The following FER1L6 variants were observed in gnomAD, a reference collection of about 807,000 sequenced individuals.
FER1L6 encodes fer-1 like family member 6, also known as fer-1-like protein 6.
A neutral mutation model predicts 219.2 loss-of-function variants in FER1L6; 177 were observed. The observed-to-expected ratio is 0.81, with a 90% CI of 0.71 to 0.91. The LOEUF (loss-of-function observed/expected upper bound fraction) is 0.91, where lower values mean the gene tolerates loss of function less well. FER1L6 is among the 40% of genes least tolerant of loss of function. The probability of loss-of-function intolerance (pLI) is 0.00; values close to 1 mark genes in which losing one functional copy is unlikely to be tolerated. For synonymous variants in FER1L6, 768 were observed against 824.3 expected, an observed-to-expected ratio of 0.93 and a Z score of 1.17; for missense variants, 2,153 against 2,259.9, an observed-to-expected ratio of 0.95 and a Z score of 0.96.
In FER1L6 at chr8:123,872,703, A is replaced by T. The variant is rs118190015; in HGVS notation, c.-8+20518A>T. The stretch of plus-strand genomic sequence containing the variant: ...TAAGTCTAAGAGCATTCTAAAAAAA[A>T]CTTATATTTAAAAAAGCATACCTGA... On this transcript the variant is annotated intron_variant, in intron 1 of 40. Transcript: ENST00000522917. 4.4e-3 allele frequency among the ~76,000 whole-genome samples: 674 copies of T among 152,274 alleles called. 3 individuals carry two copies. Among genetic ancestry groups the T allele is most frequent in the South Asian group, 8.3e-3 (40 of 4,818 alleles).
chr8:123,912,553 G>T (rs1335309086), intron 1 of FER1L6, among the ~76,000 whole-genome samples: 1 of 151,920 alleles, frequency 6.6e-6, no homozygotes, highest in African/African-American at 2.4e-5. Context: ...GGTTTTTTTG[G>T]CAGGCACTGT....
intron 20 of FER1L6, among the ~76,000 whole-genome samples, chr8:124,045,293 A>C (rs1285277474): frequency 6.6e-6 from 1 of 152,182 alleles, no homozygotes; most frequent in Non-Finnish European, 1.5e-5. Context: ...GTCCAGGTGG[A>C]ACCTCAGTTC....
intron 32 of FER1L6, among the ~76,000 whole-genome samples, chr8:124,078,746 C>G (rs190150178): frequency 6.8e-4 from 62 of 91,432 alleles, no homozygotes; most frequent in Non-Finnish European, 1.3e-3. Context: ...GTGTTCTTTG[C>G]CCTGCAAAGT....
chr8:123,892,589 C>G (rs116021872), intron 1 of FER1L6, among the ~76,000 whole-genome samples: 4,227 of 152,280 alleles, frequency 0.028, 199 homozygotes, highest in African/African-American at 0.096. Context: ...CCATGCCTGG[C>G]CAGAGAGACA....
intron 31 of FER1L6, among the ~76,000 whole-genome samples, chr8:124,073,380 T>G (rs965694723): frequency 1.3e-5 from 2 of 152,318 alleles, no homozygotes; most frequent in Non-Finnish European, 2.9e-5. Flanking sequence ...ATGGCAGTCC[T>G]AGGTAAATTC....
At chr8:124,052,924 A>G (rs1421457361) in intron 22 of FER1L6, among the ~76,000 whole-genome samples, 1 of 152,194 alleles carries the variant, frequency 6.6e-6, no homozygotes, top group African/African-American at 2.4e-5. Context: ...ACCTTGCAAG[A>G]TGAAGTTACC....
chr8:124,007,880 T>A (rs557947618), intron 13 of FER1L6, among the ~76,000 whole-genome samples: 17 of 141,692 alleles, frequency 1.2e-4, no homozygotes, highest in African/African-American at 4.3e-4. Context: ...AGTATGATTA[T>A]TTTTTTACAT....
intron 1 of FER1L6, among the ~76,000 whole-genome samples, chr8:123,886,310 G>A (rs552745692): frequency 6.6e-6 from 1 of 152,140 alleles, no homozygotes; most frequent in Non-Finnish European, 1.5e-5. Flanking sequence ...TGGGTTATGG[G>A]AGTAGATCCC....
At chr8:124,072,764 C>A (rs1306164929) in intron 31 of FER1L6, among the ~76,000 whole-genome samples, 1 of 152,194 alleles carries the variant, frequency 6.6e-6, no homozygotes, top group Non-Finnish European at 1.5e-5. Context: ...AACTTAGAGT[C>A]ACTGACAATG....
At chr8:123,972,092 A>G (rs533452911) in intron 6 of FER1L6, among the ~76,000 whole-genome samples, 13 of 152,368 alleles carry the variant, frequency 8.5e-5, no homozygotes, top group Admixed American at 6.5e-4. Context: ...AACTGCAAGC[A>G]TGTTGGATTT....
intron 12 of FER1L6, among the ~76,000 whole-genome samples, chr8:123,987,462 T>A (rs1816641739): frequency 6.6e-6 from 1 of 152,220 alleles, no homozygotes; most frequent in Non-Finnish European, 1.5e-5. Context: ...TTTTCTCCTG[T>A]TCTGTGGATT....
At chr8:124,116,564 C>A (rs1004026052) in intron 39 of FER1L6, among the ~76,000 whole-genome samples, 13 of 152,218 alleles carry the variant, frequency 8.5e-5, no homozygotes, top group African/African-American at 3.1e-4. Context: ...AAACACCATG[C>A]AAGTTATAAA....
At chr8:124,075,023 T>C (rs1385023576) in intron 31 of FER1L6, among the ~76,000 whole-genome samples, 1 of 152,098 alleles carries the variant, frequency 6.6e-6, no homozygotes, top group Non-Finnish European at 1.5e-5. Flanking sequence ...AGTCACTGAG[T>C]GGTGAGTGAA....
Position 124,003,206 on chromosome 8 carries a change from G to C in FER1L6, c.1559G>C (p.Gly520Ala), listed in dbSNP as rs1418046926. ...GNLIDGGSHH[G>A]SKKSAESAEE... ...CTGATTGATGGAGGATCCCATCATG[G>C]GAGTAAGAAGTCAGCTGAATCAGCT... Residue 520 changes from glycine (G) to alanine (A), a missense_variant, in exon 13 of 41, where the codon GGG becomes GCG. Transcript: ENST00000522917. 4 of 1,614,066 alleles carry C rather than the reference G, an allele frequency of 2.5e-6. No homozygotes were observed. Among genetic ancestry groups the C allele is most frequent in the Admixed American group, 3.3e-5 (2 of 60,014 alleles).
chr8:124,081,316 G>A (rs1470366071), intron 32 of FER1L6, among the ~76,000 whole-genome samples: 1 of 152,132 alleles, frequency 6.6e-6, no homozygotes. Context: ...GTAGCATTGG[G>A]TAATTTATCA....
chr8:123,961,280 G>T (rs909505192), intron 2 of FER1L6, among the ~76,000 whole-genome samples: 3 of 151,968 alleles, frequency 2.0e-5, no homozygotes, highest in Non-Finnish European at 2.9e-5. Context: ...AAATTAAAAA[G>T]AAATGTAGAA....
intron 18 of FER1L6, among the ~76,000 whole-genome samples, chr8:124,034,178 A>G (rs1819100090): frequency 6.7e-6 from 1 of 148,516 alleles, no homozygotes; most frequent in Non-Finnish European, 1.5e-5. Flanking sequence ...GAAGAAGAAA[A>G]TTACTGACAG....
rs56224402 is a variant in FER1L6 at position 123,904,224 on chromosome 8, TTGTGTGTGTGTGTGTGTGTG to T, written c.-7-51743_-7-51724del. ...ATATTTTAGAATAAACTCTGTATAT[TTGTGTGTGTGTGTGTGTGTG>T]TGTGTGTGTGTGTGTGTGTGTGTGA... On this transcript the variant is annotated intron_variant, in intron 1 of 40. Coordinates refer to ENST00000522917, the MANE Select transcript of FER1L6 (RefSeq NM_001039112.2). Among the ~76,000 whole-genome samples the T allele has an allele frequency of 6.5e-5, 9 of 139,396 alleles. No homozygotes were observed. In the Admixed American group the frequency reaches 6.5e-4, roughly 10 times the overall value. 91.4% of individuals were successfully genotyped at this position (139,396 alleles called of 152,430 possible).
chr8:124,119,944 C>G lies in FER1L6; in HGVS notation c.*154C>G. On this transcript the variant is annotated 3_prime_UTR_variant, in exon 41 of 41. Coordinates refer to ENST00000522917, the MANE Select transcript of FER1L6 (RefSeq NM_001039112.2). ...GAGATGGAAAAGAAACATTTCCTCC[C>G]TGCTCCAACCCCTGCCTCCAAGTTT... The G allele has an allele frequency of 1.4e-6, 1 of 734,036 alleles. No individual in the cohort carries two copies. The highest frequency in any genetic ancestry group is 2.1e-6 in the Non-Finnish European group (1 of 482,230). 45.5% of individuals were successfully genotyped at this position (734,036 alleles called of 1,614,324 possible).
Sources: gnomAD v4.1 joint callset for allele counts (sites outside exome capture counted in the v4.1 genomes callset) on GRCh38, gnomAD v4.1.1 for gene constraint, MANE v1.5 for transcripts, NCBI Gene and HGNC (gene_info 2026-07-23, HGNC 2026-07-21) for gene names.